Variants in VPS35L observed in about 807,000 individuals in gnomAD.
The protein encoded by VPS35L is VPS35 endosomal protein sorting factor like, also known as VPS35 endosomal protein-sorting factor-like.
VPS35L carries 83 observed loss-of-function variants against 133.0 expected under a neutral mutation model. The ratio of observed to expected loss-of-function variants is 0.62; its 90% CI spans 0.52 to 0.75. The LOEUF (loss-of-function observed/expected upper bound fraction) is 0.75. Ranked by LOEUF, VPS35L falls within the 30% of genes least tolerant of loss-of-function variation. The pLI is 0.00. For synonymous variants in VPS35L, 423 were observed against 449.9 expected (o/e 0.94, Z 0.76); for missense variants, 1,083 against 1,206.8 (o/e 0.90, Z 1.52).
At chr16:19,559,207 C>G (rs942675909) in intron 1 of VPS35L, among the ~76,000 whole-genome samples, 9 of 152,126 alleles carry the variant, frequency 5.9e-5, no homozygotes, top group African/African-American at 2.2e-4. Flanking sequence ...TAAAAATAGG[C>G]CATTGTCAAC....
chr16:19,698,801 C>T (rs1487577696), intron 29 of VPS35L, among the ~76,000 whole-genome samples: 18 of 152,222 alleles, frequency 1.2e-4, no homozygotes, highest in South Asian at 2.1e-4. Context: ...CAGGGGCCTT[C>T]GTTTACCTTG....
chr16:19,664,316 C>G (rs1187092834), intron 26 of VPS35L, among the ~76,000 whole-genome samples: 1 of 151,928 alleles, frequency 6.6e-6, no homozygotes, highest in South Asian at 2.1e-4. Flanking sequence ...GTTTCTCTTA[C>G]TACGAATATG....
At chr16:19,611,357 G>A (rs1377438739) in intron 12 of VPS35L, among the ~76,000 whole-genome samples, 1 of 152,084 alleles carries the variant, frequency 6.6e-6, no homozygotes, top group Non-Finnish European at 1.5e-5. Flanking sequence ...CCTCTGTCAG[G>A]ACTCCCCCTA....
At chr16:19,697,345 ACTTTTT>A (rs1255115469) in intron 29 of VPS35L, among the ~76,000 whole-genome samples, 3 of 152,078 alleles carry the variant, frequency 2.0e-5, no homozygotes, top group African/African-American at 7.2e-5. Context: ...CTGTTCCTTG[ACTTTTT>A]CTTTAAGACA....
At chr16:19,669,386 G>A (rs1324052915) in intron 27 of VPS35L, 87 bp downstream of exon 27, 2 of 1,416,070 alleles carry the variant, frequency 1.4e-6, no homozygotes, top group Admixed American at 2.1e-5. Context: ...AAAACTGCAG[G>A]AACATTCTAT....
At chr16:19,635,773 G>A (rs1973604955) in intron 19 of VPS35L, among the ~76,000 whole-genome samples, 1 of 152,172 alleles carries the variant, frequency 6.6e-6, no homozygotes, top group Admixed American at 6.5e-5. Context: ...TTTGCATAGA[G>A]ACAACCACAA....
At chr16:19,621,744 C>G (rs563216779) in intron 14 of VPS35L, among the ~76,000 whole-genome samples, 1 of 152,186 alleles carries the variant, frequency 6.6e-6, no homozygotes, top group African/African-American at 2.4e-5. Context: ...TTTGGCTCTC[C>G]GAACACTTAC....
chr16:19,620,834 C>T (rs1432619893), intron 14 of VPS35L, among the ~76,000 whole-genome samples: 1 of 152,010 alleles, frequency 6.6e-6, no homozygotes, highest in Admixed American at 6.6e-5. Context: ...GCCTGTAATC[C>T]CAGCTACTCG....
intron 6 of VPS35L, among the ~76,000 whole-genome samples, chr16:19,580,058 G>T (rs1351801438): frequency 1.3e-5 from 2 of 150,990 alleles, no homozygotes; most frequent in Non-Finnish European, 3.0e-5. Flanking sequence ...AAATTAGCTG[G>T]GCATGGTGGC....
intron 2 of VPS35L, among the ~76,000 whole-genome samples, chr16:19,567,439 C>T (rs193000092): frequency 2.1e-3 from 320 of 152,252 alleles, no homozygotes; most frequent in African/African-American, 7.4e-3. Context: ...ACAGAGTTCA[C>T]CCCACCAGGC....
chr16:19,617,857 A>AT (rs1188747975), intron 14 of VPS35L: 14 of 158,062 alleles, frequency 8.9e-5, no homozygotes, highest in Admixed American at 8.5e-4. Context: ...AATTTTTTGT[A>AT]TTTTTTTGTA....
At chr16:19,669,938 T>C (rs746716673) in intron 27 of VPS35L, among the ~76,000 whole-genome samples, 1 of 152,186 alleles carries the variant, frequency 6.6e-6, no homozygotes, top group South Asian at 2.1e-4. Flanking sequence ...CCCAGAGTGC[T>C]GGGATTACAG....
At chr16:19,608,136 G>A in intron 9 of VPS35L, 42 bp from the exon 10 acceptor site, 1 of 1,476,016 alleles carries the variant, frequency 6.8e-7, no homozygotes, top group East Asian at 2.3e-5. Flanking sequence ...CACAGATCCT[G>A]AGATTTAGGA....
rs764883481 is a variant in VPS35L, at chr16:19,700,429, C to T, written c.2845C>T (p.His949Tyr). Residue 949 changes from histidine (H) to tyrosine (Y), a missense_variant, in exon 31 of 31, where the codon CAT (histidine) becomes TAT (tyrosine). Physicochemically the swap from His to Tyr is moderately conservative, Grantham distance 83. Transcript: ENST00000417362. ...GCAAAGCAAACAACCAGACATGACT[C>T]ATCTGACGGAGCTGGCCCTCAGACT... ...KKQSKQPDMT[H>Y]LTELALRLPL... 1.2e-6 allele frequency: 2 copies of T among 1,614,204 alleles called. No homozygotes were observed. Among genetic ancestry groups the T allele is most frequent in the Non-Finnish European group, 8.5e-7 (1 of 1,180,036 alleles).
chr16:19,609,532 G>A (rs1045592802), intron 11 of VPS35L, among the ~76,000 whole-genome samples: 4 of 152,290 alleles, frequency 2.6e-5, no homozygotes, highest in South Asian at 4.2e-4. Flanking sequence ...AGTGGCTTAG[G>A]TCCATGCCAC....
At chr16:19,649,004 T>C (rs1974042815) in intron 24 of VPS35L, among the ~76,000 whole-genome samples, 1 of 152,194 alleles carries the variant, frequency 6.6e-6, no homozygotes, top group South Asian at 2.1e-4. Context: ...CCTTTTCTTT[T>C]TGAGCTGGAG....
At chr16:19,616,358 G>T (rs1597363791) in intron 13 of VPS35L, among the ~76,000 whole-genome samples, 167 bp downstream of exon 13, 1 of 152,120 alleles carries the variant, frequency 6.6e-6, no homozygotes, top group East Asian at 1.9e-4. Flanking sequence ...TGTGTTGATT[G>T]TACTGAATAA....
Position 19,637,660 on chromosome 16 carries a change from A to T in VPS35L, c.1698+4A>T, listed in dbSNP as rs1268143286. 1 of 1,566,228 alleles carries T rather than the reference A, an allele frequency of 6.4e-7. No homozygotes were observed. Among genetic ancestry groups the T allele is most frequent in the Non-Finnish European group, 8.7e-7 (1 of 1,149,184 alleles). On this transcript the variant is annotated splice_donor_region_variant and intron_variant, in intron 20 of 30. Transcript: ENST00000417362. ...CTTCTCAGTTCTTTTCTCAGTGGTAAGTAGGATTTCTTAATTATCTTTGGA... is the reference window on the plus strand; with the variant it reads ...CTTCTCAGTTCTTTTCTCAGTGGTATGTAGGATTTCTTAATTATCTTTGGA...
rs1976026400 is a variant in VPS35L, at chr16:19,699,356, A to T, written c.2647-146A>T. 9.9e-7 allele frequency: 1 copy of T among 1,006,124 alleles called. No homozygotes were observed. The highest frequency in any genetic ancestry group is 1.4e-6 in the Non-Finnish European group (1 of 694,674). The allele number at this position is 1,006,124 out of a possible 1,614,324, so 62.3% of individuals were successfully genotyped here. The stretch of plus-strand genomic sequence containing the variant: ...AAGCAGCTGGGACTTTGGGAGGTTC[A>T]GCAGCTTGCCCTACAGCAAATACAT... On this transcript the variant is annotated intron_variant, in intron 29 of 30. Coordinates refer to ENST00000417362, the MANE Select transcript of VPS35L (RefSeq NM_020314.7). This position sits in a 1 kb window ranked among gnomAD's most constrained non-coding sequence, Gnocchi z 4.2.
Sources: allele counts gnomAD v4.1 joint callset (sites outside exome capture counted in the v4.1 genomes callset), GRCh38; gene constraint gnomAD v4.1.1; non-coding constraint Gnocchi (gnomAD v3.1); transcripts MANE v1.5; gene names NCBI Gene and HGNC (gene_info 2026-07-23, HGNC 2026-07-21).